NRG1: variants seen among roughly 807,000 people sequenced by gnomAD.
NRG1 encodes neuregulin 1.
NRG1 carries 18 observed loss-of-function variants against 63.8 expected under a neutral mutation model. The ratio of observed to expected loss-of-function variants is 0.28; its 90% CI spans 0.19 to 0.42. NRG1 has a LOEUF of 0.42. NRG1 is among the 10% of genes least tolerant of loss of function. The pLI, the probability that NRG1 is intolerant of heterozygous loss-of-function variation, is 1.00. For synonymous variants in NRG1, 302 were observed against 301.3 expected, an observed-to-expected ratio of 1.00 and a Z score of -0.02; for missense variants, 762 against 814.7, an observed-to-expected ratio of 0.94 and a Z score of 0.79.
intron 1 of NRG1, among the ~76,000 whole-genome samples, chr8:32,415,365 CA>C (rs5890647): frequency 0.43 from 49,197 of 114,730 alleles, 8,014 homozygotes; most frequent in East Asian, 0.83. Flanking sequence ...GACTCTGTCT[CA>C]AAAAAAAAAA....
chr8:31,674,558 C>CT (rs33917304), intron 1 of NRG1, among the ~76,000 whole-genome samples: 6 of 147,188 alleles, frequency 4.1e-5, no homozygotes, highest in African/African-American at 1.5e-4. Context: ...CATCTGGGTA[C>CT]TTTTTTTTTT....
chr8:32,441,670 T>C (rs1162804005), intron 1 of NRG1, among the ~76,000 whole-genome samples: 1 of 152,124 alleles, frequency 6.6e-6, no homozygotes, highest in South Asian at 2.1e-4. Context: ...ACAATTTCTC[T>C]GCTTTCAAGA....
intron 1 of NRG1, among the ~76,000 whole-genome samples, chr8:32,577,361 A>G (rs1839854281): frequency 1.3e-5 from 2 of 152,140 alleles, no homozygotes; most frequent in Admixed American, 6.5e-5. Context: ...ACTTATGTAT[A>G]CAGTTATAGG....
intron 1 of NRG1, among the ~76,000 whole-genome samples, chr8:32,565,467 G>C (rs1472725118): frequency 1.3e-5 from 2 of 152,090 alleles, no homozygotes; most frequent in Non-Finnish European, 2.9e-5. Context: ...TCTGAACACT[G>C]GTTCTTTTTA....
chr8:31,855,760 C>T (rs1009810688), intron 1 of NRG1, among the ~76,000 whole-genome samples: 14 of 152,210 alleles, frequency 9.2e-5, no homozygotes, highest in African/African-American at 3.1e-4. Flanking sequence ...CCGGTTGTTC[C>T]TTTTCATGTT....
In NRG1 at chr8:32,012,558, G is replaced by GT. The variant is rs1289179045; in HGVS notation, c.37+373134dup. On this transcript the variant is annotated intron_variant, in intron 1 of 10. Transcript: ENST00000519301. ...GTACAATGCTTTTCAGTACTTAGAG[G>GT]TTTTTTTCTAGATGGAAATAAGCAA... Among the ~76,000 whole-genome samples the GT allele has an allele frequency of 2.6e-5, 4 of 152,114 alleles. 1 individual carries two copies. The highest frequency in any genetic ancestry group is 3.9e-4 in the East Asian group (2 of 5,156).
intron 1 of NRG1, among the ~76,000 whole-genome samples, chr8:32,409,041 C>T (rs1215983595): frequency 6.6e-6 from 1 of 152,072 alleles, no homozygotes; most frequent in Admixed American, 6.6e-5. Context: ...CCTTCAGGTC[C>T]ATCCATGTTG....
Position 31,935,840 on chromosome 8 carries a change from C to T in NRG1, c.37+296409C>T, listed in dbSNP as rs144293293. On this transcript the variant is annotated intron_variant, in intron 1 of 10. Transcript: ENST00000519301. ...GTTTTTCTCCTATGTTGATCTACCC[C>T]GTAAGGCTCCATGAGAGGCTTGGAC... 7.0e-3 allele frequency among the ~76,000 whole-genome samples: 1,060 copies of T among 152,240 alleles called. 14 individuals are homozygous for T. Among genetic ancestry groups the T allele is most frequent in the African/African-American group, 0.024 (1,000 of 41,550 alleles).
At chr8:32,510,954 CCT>C (rs1563564802) in intron 1 of NRG1, among the ~76,000 whole-genome samples, 36 of 126,700 alleles carry the variant, frequency 2.8e-4, no homozygotes, top group African/African-American at 9.2e-4. Flanking sequence ...TTCTTTCTTT[CCT>C]TTTTTTTTTT....
At chr8:32,004,908 A>C (rs1813506786) in intron 1 of NRG1, among the ~76,000 whole-genome samples, 1 of 151,860 alleles carries the variant, frequency 6.6e-6, no homozygotes, top group Admixed American at 6.6e-5. Flanking sequence ...TTTAAGGGTA[A>C]TTAATACAAG....
intron 1 of NRG1, among the ~76,000 whole-genome samples, chr8:31,964,357 A>G (rs886383955): frequency 6.6e-6 from 1 of 152,264 alleles, no homozygotes; most frequent in South Asian, 2.1e-4. Flanking sequence ...CAAGCTGGCA[A>G]TATCAGAGAA....
intron 5 of NRG1, among the ~76,000 whole-genome samples, chr8:32,625,047 A>T (rs1482171310): frequency 6.6e-6 from 1 of 152,248 alleles, no homozygotes; most frequent in Non-Finnish European, 1.5e-5. Flanking sequence ...TTGAGGTTTT[A>T]TCAGACTTAT....
intron 1 of NRG1, among the ~76,000 whole-genome samples, chr8:31,800,557 T>G (rs1821665308): frequency 6.6e-6 from 1 of 152,204 alleles, no homozygotes; most frequent in Non-Finnish European, 1.5e-5. Context: ...ATCATCCTCT[T>G]GGAATGCATA....
At chr8:32,576,397 G>C (rs537476067) in intron 1 of NRG1, among the ~76,000 whole-genome samples, 44 of 152,014 alleles carry the variant, frequency 2.9e-4, no homozygotes, top group Non-Finnish European at 5.7e-4. Context: ...GAATATGAGT[G>C]CTAACAATTT....
chr8:31,845,515 G>A (rs1826603847), intron 1 of NRG1, among the ~76,000 whole-genome samples: 1 of 152,086 alleles, frequency 6.6e-6, no homozygotes, highest in Admixed American at 6.6e-5. Context: ...GCAAGTGGTT[G>A]TAGCCTGGTT....
intron 1 of NRG1, among the ~76,000 whole-genome samples, chr8:32,357,100 G>A (rs756538557): frequency 1.1e-4 from 16 of 152,078 alleles, no homozygotes; most frequent in Non-Finnish European, 2.4e-4. Context: ...AGGCTGGCCT[G>A]GGGGAAAAGA....
chr8:31,675,398 T>C (rs1202090332), intron 1 of NRG1, among the ~76,000 whole-genome samples: 1 of 152,182 alleles, frequency 6.6e-6, no homozygotes, highest in East Asian at 1.9e-4. Flanking sequence ...GGCTGCAGTG[T>C]CCATAGGCAA....
At chr8:32,570,182 T>G (rs1280534117) in intron 1 of NRG1, among the ~76,000 whole-genome samples, 1 of 152,196 alleles carries the variant, frequency 6.6e-6, no homozygotes, top group African/African-American at 2.4e-5. Flanking sequence ...GTGCTGGGAT[T>G]ACAGGCGTGA....
intron 1 of NRG1, among the ~76,000 whole-genome samples, chr8:32,044,913 C>CAAAAAAAAAAAAAAAAAAA: frequency 4.6e-3 from 265 of 57,070 alleles, no homozygotes; most frequent in Middle Eastern, 0.014. Flanking sequence ...TAAAGAAAAG[C>CAAAAAAAAAAAAAAAAAAA]AAAAAAAAAA....
Sources: gnomAD v4.1 joint callset for allele counts (sites outside exome capture counted in the v4.1 genomes callset) on GRCh38, gnomAD v4.1.1 for gene constraint, MANE v1.5 for transcripts, NCBI Gene and HGNC (gene_info 2026-07-23, HGNC 2026-07-21) for gene names.